The following CPHXL2 variants were observed in gnomAD, a reference collection of about 807,000 sequenced individuals.
CPHXL2 encodes the protein cytoplasmic polyadenylated homeobox-like protein 2.
chr16:75,672,894 C>A, the CPHXL2 span, among the ~76,000 whole-genome samples: 1 of 150,414 alleles, frequency 6.6e-6, no homozygotes, highest in East Asian at 2.0e-4. Context: ...TTTTAAAAAA[C>A]AAAAACAAAA....
chr16:75,666,146 A>G, the CPHXL2 span, among the ~76,000 whole-genome samples: 1 of 152,204 alleles, frequency 6.6e-6, no homozygotes, highest in Admixed American at 6.5e-5. Context: ...TTATCAGACA[A>G]CACAAACTTT....
the CPHXL2 span, among the ~76,000 whole-genome samples, chr16:75,667,170 G>T: frequency 6.6e-6 from 1 of 152,000 alleles, no homozygotes; most frequent in Admixed American, 6.6e-5. Context: ...AAATTAGCCA[G>T]GTGTGGTAGC....
chr16:75,669,656 T>C, the CPHXL2 span: 3 of 396,932 alleles, frequency 7.6e-6, no homozygotes, highest in South Asian at 1.4e-4. Context: ...CCTTCCCAAG[T>C]TGAAATCCAG....
the CPHXL2 span, among the ~76,000 whole-genome samples, chr16:75,666,793 A>C: frequency 1.7e-4 from 26 of 152,252 alleles, no homozygotes; most frequent in African/African-American, 6.0e-4. Flanking sequence ...ATTAATCAGC[A>C]CATGGAATTT....
the CPHXL2 span, among the ~76,000 whole-genome samples, chr16:75,676,738 A>G: frequency 6.6e-5 from 10 of 152,286 alleles, no homozygotes; most frequent in African/African-American, 2.4e-4. Flanking sequence ...TTTGATCTGT[A>G]GGTATTTTTG....
At chr16:75,663,416 C>T in the CPHXL2 span, among the ~76,000 whole-genome samples, 1 of 152,148 alleles carries the variant, frequency 6.6e-6, no homozygotes, top group Non-Finnish European at 1.5e-5. Context: ...ACCAAAAATA[C>T]AATTCTAAGG....
the CPHXL2 span, among the ~76,000 whole-genome samples, chr16:75,661,730 T>A: frequency 2.0e-5 from 3 of 152,148 alleles, no homozygotes; most frequent in Non-Finnish European, 4.4e-5. Context: ...TGCACATAAT[T>A]CTTACATACA....
chr16:75,666,922 A>AGTGCT, the CPHXL2 span, among the ~76,000 whole-genome samples: 1 of 152,220 alleles, frequency 6.6e-6, no homozygotes, highest in Non-Finnish European at 1.5e-5. Context: ...TCAACTCCAA[A>AGTGCT]AGGAACCTTC....
At chr16:75,676,772 T>C in the CPHXL2 span, among the ~76,000 whole-genome samples, 1 of 152,246 alleles carries the variant, frequency 6.6e-6, no homozygotes, top group Non-Finnish European at 1.5e-5. Flanking sequence ...TAAAGAATTT[T>C]ATAAACAAGA....
chr16:75,666,166 G>A, the CPHXL2 span, among the ~76,000 whole-genome samples: 1 of 152,250 alleles, frequency 6.6e-6, no homozygotes, highest in South Asian at 2.1e-4. Flanking sequence ...TAAAGCAACA[G>A]CAGTTAGAAA....
the CPHXL2 span, among the ~76,000 whole-genome samples, chr16:75,666,885 C>T: frequency 6.6e-6 from 1 of 152,168 alleles, no homozygotes; most frequent in Non-Finnish European, 1.5e-5. Context: ...AGGACTCTCT[C>T]AGACCACAGT....
the CPHXL2 span, among the ~76,000 whole-genome samples, chr16:75,670,591 G>A: frequency 1.3e-5 from 2 of 151,934 alleles, no homozygotes; most frequent in African/African-American, 4.8e-5. Context: ...TTACTGCAAC[G>A]TCCACCTCCT....
chr16:75,664,873 G>A, the CPHXL2 span, among the ~76,000 whole-genome samples: 1 of 152,092 alleles, frequency 6.6e-6, no homozygotes, highest in East Asian at 1.9e-4. Flanking sequence ...GTGATACCCT[G>A]TACCACCTTG....
At chr16:75,676,094 A>G in the CPHXL2 span, among the ~76,000 whole-genome samples, 1 of 152,130 alleles carries the variant, frequency 6.6e-6, no homozygotes, top group Non-Finnish European at 1.5e-5. Flanking sequence ...AAAAAAAAGA[A>G]AAATACAAAA....
chr16:75,668,853 A>G, the CPHXL2 span, among the ~76,000 whole-genome samples: 4 of 151,984 alleles, frequency 2.6e-5, no homozygotes, highest in African/African-American at 9.7e-5. Flanking sequence ...TTTTCCAAAT[A>G]TTTTCCATTT....
chr16:75,666,954 A>T, the CPHXL2 span, among the ~76,000 whole-genome samples: 2 of 152,316 alleles, frequency 1.3e-5, no homozygotes, highest in Non-Finnish European at 2.9e-5. Flanking sequence ...AATATATGGA[A>T]ATTAAATAAC....
At chr16:75,667,213 G>A in the CPHXL2 span, among the ~76,000 whole-genome samples, 8 of 151,528 alleles carry the variant, frequency 5.3e-5, no homozygotes, top group African/African-American at 1.9e-4. Flanking sequence ...TCAGGAGACT[G>A]AGGCAGAAGA....
the CPHXL2 span, among the ~76,000 whole-genome samples, chr16:75,661,501 C>T: frequency 2.0e-5 from 3 of 151,894 alleles, no homozygotes; most frequent in Non-Finnish European, 2.9e-5. Flanking sequence ...CCATGGTTTA[C>T]GTGTAAACCT....
At chr16:75,662,153 G>A in the CPHXL2 span, among the ~76,000 whole-genome samples, 1 of 152,082 alleles carries the variant, frequency 6.6e-6, no homozygotes, top group Non-Finnish European at 1.5e-5. Context: ...ACAGAACTCA[G>A]GGAATCACAT....
Sources: allele counts gnomAD v4.1 joint callset (sites outside exome capture counted in the v4.1 genomes callset), GRCh38; gene constraint gnomAD v4.1.1; transcripts MANE v1.5; gene names NCBI Gene and HGNC (gene_info 2026-07-23, HGNC 2026-07-21).